Variants in CTNND2 observed in about 807,000 individuals in gnomAD.
CTNND2 encodes the protein catenin delta-2.
In CTNND2, 22 loss-of-function variants were observed where a neutral mutation model predicts 144.4. The ratio of observed to expected loss-of-function variants is 0.15; its 90% confidence interval spans 0.11 to 0.22. CTNND2 has a LOEUF of 0.22. CTNND2 is among the 10% of genes least tolerant of loss of function. CTNND2 has a pLI of 1.00. For missense variants in CTNND2, 1,353 were observed against 1,618.8 expected, an observed-to-expected ratio of 0.84 and a Z score of 2.82; for synonymous variants, 751 against 695.6, an observed-to-expected ratio of 1.08 and a Z score of -1.25.
intron 14 of CTNND2, among the ~76,000 whole-genome samples, chr5:11,108,596 C>A (rs922032813): frequency 2.0e-5 from 3 of 152,214 alleles, no homozygotes; most frequent in African/African-American, 7.2e-5. Context: ...TGTCTCCTCA[C>A]CCATGCAGAC....
chr5:11,279,622 G>A (rs1031578126), intron 9 of CTNND2, among the ~76,000 whole-genome samples: 15 of 152,128 alleles, frequency 9.9e-5, no homozygotes, highest in African/African-American at 2.9e-4. Flanking sequence ...TAGATTAGAC[G>A]ATTCATCCAT....
chr5:11,294,681 C>A (rs113959551), intron 9 of CTNND2, among the ~76,000 whole-genome samples: 6 of 152,216 alleles, frequency 3.9e-5, no homozygotes, highest in Admixed American at 3.9e-4. Flanking sequence ...GTTCAACATA[C>A]GCAAATCAAT....
At chr5:11,852,156 T>C (rs1343209500) in intron 1 of CTNND2, among the ~76,000 whole-genome samples, 1 of 152,176 alleles carries the variant, frequency 6.6e-6, no homozygotes, top group African/African-American at 2.4e-5. Context: ...GCACCCACTG[T>C]AGGCCATGGT....
At chr5:11,149,522 G>T (rs1241631918) in intron 12 of CTNND2, among the ~76,000 whole-genome samples, 1 of 152,166 alleles carries the variant, frequency 6.6e-6, no homozygotes, top group Non-Finnish European at 1.5e-5. Flanking sequence ...CATAAGAGAA[G>T]TGTAATTAGC....
intron 14 of CTNND2, among the ~76,000 whole-genome samples, chr5:11,105,882 C>T (rs1394275467): frequency 6.6e-6 from 1 of 152,128 alleles, no homozygotes; most frequent in Non-Finnish European, 1.5e-5. Context: ...GGAGACTGTA[C>T]TCGAACCAGC....
intron 3 of CTNND2, among the ~76,000 whole-genome samples, chr5:11,557,950 T>C (rs891698018): frequency 6.6e-6 from 1 of 152,188 alleles, no homozygotes; most frequent in Admixed American, 6.5e-5. Context: ...GAACGGTTCA[T>C]TTTCTTTAGG....
intron 3 of CTNND2, among the ~76,000 whole-genome samples, chr5:11,447,173 A>ATG (rs945390661): frequency 6.6e-6 from 1 of 152,072 alleles, no homozygotes; most frequent in Non-Finnish European, 1.5e-5. Context: ...GTGAAACCCC[A>ATG]TCTCTACAAA....
At chr5:11,894,603 GA>G (rs1560978609) in intron 1 of CTNND2, among the ~76,000 whole-genome samples, 1 of 152,128 alleles carries the variant, frequency 6.6e-6, no homozygotes, top group Non-Finnish European at 1.5e-5. Flanking sequence ...AAGTTCCAGA[GA>G]ATATATTTTA....
At chr5:11,777,364 C>A (rs568860168) in intron 1 of CTNND2, among the ~76,000 whole-genome samples, 1 of 152,328 alleles carries the variant, frequency 6.6e-6, no homozygotes, top group African/African-American at 2.4e-5. Context: ...TTATAAAACA[C>A]TTCTTCAGTC....
At chr5:11,723,779 G>T (rs550929876) in intron 2 of CTNND2, among the ~76,000 whole-genome samples, 1 of 152,118 alleles carries the variant, frequency 6.6e-6, no homozygotes, top group African/African-American at 2.4e-5. Flanking sequence ...TTATTGGGCC[G>T]GGCGTGGTGG....
chr5:11,672,925 G>A (rs566527509), intron 2 of CTNND2, among the ~76,000 whole-genome samples: 81 of 152,230 alleles, frequency 5.3e-4, no homozygotes, highest in Non-Finnish European at 3.5e-4. Flanking sequence ...CTCACCCTCC[G>A]TGAGCTGCAC....
intron 9 of CTNND2, among the ~76,000 whole-genome samples, chr5:11,269,111 G>A (rs1260253632): frequency 1.3e-5 from 2 of 152,234 alleles, no homozygotes; most frequent in Non-Finnish European, 2.9e-5. Flanking sequence ...CTGACTGTGA[G>A]ACTGTGGGCA....
At position 11,282,669 on chromosome 5, in the gene CTNND2, T is replaced by C. The variant is rs183598749; in HGVS notation, c.1629-45846A>G. ...CCTAGGAGGGTATGATTTACATATC[T>C]TTTTTGAATCAATTAATTCTGATAA... On this transcript the variant is annotated intron_variant, in intron 9 of 21. Coordinates refer to ENST00000304623, the MANE Select transcript of CTNND2 (RefSeq NM_001332.4). 3.3e-5 allele frequency among the ~76,000 whole-genome samples: 5 copies of C among 152,354 alleles called. No homozygotes were observed. In the East Asian group the frequency reaches 7.7e-4, roughly 23 times the overall value.
At chr5:11,388,062 C>T (rs1759268076) in intron 6 of CTNND2, among the ~76,000 whole-genome samples, 1 of 152,114 alleles carries the variant, frequency 6.6e-6, no homozygotes, top group African/African-American at 2.4e-5. Flanking sequence ...CAAGCTACGG[C>T]AACCAATTTG....
chr5:11,903,392 G>C lies in CTNND2; in HGVS notation c.37+425C>G. ...TCTAGCCAAACATCGTAATGACATT[G>C]AACATAAGGGCAAAAGACTGGAGGG... On this transcript the variant is annotated intron_variant, in intron 1 of 21. Coordinates refer to ENST00000304623, the MANE Select transcript of CTNND2 (RefSeq NM_001332.4). This position sits in a 1 kb window ranked among gnomAD's most constrained non-coding sequence, Gnocchi z 5.4. 9.8e-7 allele frequency: 1 copy of C among 1,015,876 alleles called. No homozygotes were observed. The highest frequency in any genetic ancestry group is 9.5e-5 in the East Asian group (1 of 10,540). 62.9% of individuals were successfully genotyped at this position (1,015,876 alleles called of 1,614,324 possible).
intron 1 of CTNND2, among the ~76,000 whole-genome samples, chr5:11,757,604 C>T (rs1789024052): frequency 1.3e-5 from 2 of 151,888 alleles, no homozygotes; most frequent in Admixed American, 1.3e-4. Context: ...ATTACATGCC[C>T]TTTGGCAAAC....
At chr5:11,179,089 C>G (rs1281111960) in intron 11 of CTNND2, among the ~76,000 whole-genome samples, 1 of 152,094 alleles carries the variant, frequency 6.6e-6, no homozygotes, top group African/African-American at 2.4e-5. Flanking sequence ...CTTGGATGGA[C>G]ACATTTCAAG....
intron 9 of CTNND2, among the ~76,000 whole-genome samples, chr5:11,301,026 G>A (rs148311458): frequency 3.7e-4 from 57 of 152,144 alleles, no homozygotes; most frequent in African/African-American, 1.2e-3. Flanking sequence ...TTTTTGAGAC[G>A]GAGTCTGGGC....
At chr5:11,186,302 G>A (rs543551305) in intron 11 of CTNND2, among the ~76,000 whole-genome samples, 2 of 152,276 alleles carry the variant, frequency 1.3e-5, no homozygotes, top group East Asian at 3.9e-4. Flanking sequence ...AGGTTTCATA[G>A]GGAAGTAAAG....
Sources: allele counts gnomAD v4.1 joint callset (sites outside exome capture counted in the v4.1 genomes callset), GRCh38; gene constraint gnomAD v4.1.1; non-coding constraint Gnocchi (gnomAD v3.1); transcripts MANE v1.5; gene names NCBI Gene and HGNC (gene_info 2026-07-23, HGNC 2026-07-21).